The following TACR3 variants were observed in gnomAD, a reference collection of about 807,000 sequenced individuals.
The protein encoded by TACR3 is tachykinin receptor 3.
Under a neutral mutation model 35.0 loss-of-function variants are expected in TACR3, and 34 were observed. That is an observed-to-expected ratio of 0.97 (90% CI 0.74 to 1.30). The LOEUF is 1.30. TACR3 is among the 50% of genes most tolerant of loss of function. The probability of loss-of-function intolerance (pLI) is 0.00; values close to 1 mark genes in which losing one functional copy is unlikely to be tolerated. For missense variants in TACR3, 558 were observed against 591.7 expected (o/e 0.94, Z 0.59); for synonymous variants, 233 against 221.1 (o/e 1.05, Z -0.48).
chr4:103,708,279 A>G (rs1429262461), intron 1 of TACR3, among the ~76,000 whole-genome samples: 1 of 152,110 alleles, frequency 6.6e-6, no homozygotes, highest in African/African-American at 2.4e-5. Context: ...CACCTCAAAC[A>G]GCCAGGTACC....
intron 1 of TACR3, among the ~76,000 whole-genome samples, chr4:103,679,598 G>C (rs952231576): frequency 3.9e-5 from 6 of 151,964 alleles, no homozygotes; most frequent in African/African-American, 1.4e-4. Context: ...TGCTGACTTT[G>C]AGGAAGCTGG....
At chr4:103,697,494 G>A (rs1288278391) in intron 1 of TACR3, among the ~76,000 whole-genome samples, 1 of 151,582 alleles carries the variant, frequency 6.6e-6, no homozygotes, top group Non-Finnish European at 1.5e-5. Flanking sequence ...GCGCCATCTC[G>A]GTTCACTGCA....
intron 3 of TACR3, among the ~76,000 whole-genome samples, chr4:103,593,700 C>T (rs1324522982): frequency 1.3e-5 from 2 of 152,114 alleles, no homozygotes; most frequent in Non-Finnish European, 2.9e-5. Context: ...ATTCCCAGGG[C>T]TTAAGTACCT....
At chr4:103,619,974 GA>G (rs1414198378) in intron 3 of TACR3, among the ~76,000 whole-genome samples, 1 of 151,928 alleles carries the variant, frequency 6.6e-6, no homozygotes, top group Non-Finnish European at 1.5e-5. Flanking sequence ...ACAACCTACA[GA>G]ATGGAGGATA....
At chr4:103,703,032 C>A (rs1333572782) in intron 1 of TACR3, among the ~76,000 whole-genome samples, 1 of 151,580 alleles carries the variant, frequency 6.6e-6, no homozygotes, top group Non-Finnish European at 1.5e-5. Context: ...GCACATGTAC[C>A]CTAAAAGTTA....
intron 1 of TACR3, among the ~76,000 whole-genome samples, chr4:103,696,099 C>A (rs1183070760): frequency 6.6e-6 from 1 of 151,942 alleles, no homozygotes; most frequent in Non-Finnish European, 1.5e-5. Flanking sequence ...TATCAACGAG[C>A]TAAATAGTGT....
chr4:103,660,771 A>T (rs1380022423), intron 1 of TACR3, among the ~76,000 whole-genome samples: 2 of 152,200 alleles, frequency 1.3e-5, no homozygotes, highest in East Asian at 3.9e-4. Flanking sequence ...TGTGAACTCT[A>T]CAAAGAAAAA....
chr4:103,616,750 C>A (rs1343810033), intron 3 of TACR3, among the ~76,000 whole-genome samples: 2 of 152,040 alleles, frequency 1.3e-5, no homozygotes. Flanking sequence ...AGTTTGAGAC[C>A]AGCCTGAGCA....
chr4:103,594,587 T>A (rs1723964734), intron 3 of TACR3, among the ~76,000 whole-genome samples: 1 of 152,336 alleles, frequency 6.6e-6, no homozygotes, highest in Non-Finnish European at 1.5e-5. Context: ...TATTTGAATC[T>A]TTTATACAGA....
intron 1 of TACR3, among the ~76,000 whole-genome samples, chr4:103,665,474 A>AGATT (rs1386892729): frequency 6.6e-6 from 1 of 152,142 alleles, no homozygotes; most frequent in African/African-American, 2.4e-5. Flanking sequence ...CATTCAATTT[A>AGATT]GATTTAGAAT....
In TACR3 at chr4:103,588,348, T is replaced by C. The variant is rs1161151811; in HGVS notation, c.*1334A>G. On this transcript the variant is annotated 3_prime_UTR_variant, in exon 5 of 5. Coordinates refer to ENST00000304883, the MANE Select transcript of TACR3 (RefSeq NM_001059.3). ...CTGCTTTCTTGAGCAGGATTAACAG[T>C]ATCCCTAATTCAAGGAAAGATGATC... 6.6e-6 allele frequency: 1 copy of C among 152,126 alleles called. No homozygotes were observed. The highest frequency in any genetic ancestry group is 1.5e-5 in the Non-Finnish European group (1 of 67,990). 9.4% of individuals were successfully genotyped at this position (152,126 alleles called of 1,614,324 possible).
chr4:103,688,792 C>T (rs1397293755), intron 1 of TACR3, among the ~76,000 whole-genome samples: 1 of 152,122 alleles, frequency 6.6e-6, no homozygotes, highest in Non-Finnish European at 1.5e-5. Context: ...CACTTTTACA[C>T]TGTTGGTGGA....
At chr4:103,614,438 C>A (rs1046323264) in intron 3 of TACR3, among the ~76,000 whole-genome samples, 1 of 152,014 alleles carries the variant, frequency 6.6e-6, no homozygotes, top group Non-Finnish European at 1.5e-5. Flanking sequence ...GAGGCAAAGG[C>A]TTTAAATGAA....
At chr4:103,659,029 C>T (rs1725785818) in intron 1 of TACR3, among the ~76,000 whole-genome samples, 1 of 152,150 alleles carries the variant, frequency 6.6e-6, no homozygotes, top group African/African-American at 2.4e-5. Flanking sequence ...AGATTCTTCG[C>T]ACCTACAGTT....
At chr4:103,700,894 T>C (rs1013525836) in intron 1 of TACR3, among the ~76,000 whole-genome samples, 1 of 152,166 alleles carries the variant, frequency 6.6e-6, no homozygotes, top group African/African-American at 2.4e-5. Context: ...TGATGGGACG[T>C]ATCTCAAAAT....
At chr4:103,606,365 G>A (rs1724363116) in intron 3 of TACR3, among the ~76,000 whole-genome samples, 1 of 152,198 alleles carries the variant, frequency 6.6e-6, no homozygotes, top group Admixed American at 6.5e-5. Flanking sequence ...TGTGAAGAAA[G>A]TCAGTGGTAG....
chr4:103,710,103 C>G (rs1326507375), intron 1 of TACR3, among the ~76,000 whole-genome samples: 1 of 152,140 alleles, frequency 6.6e-6, no homozygotes, highest in Non-Finnish European at 1.5e-5. Context: ...ATCAACAAGA[C>G]AGAAAGTTAA....
At chr4:103,628,965 G>A (rs913177739) in intron 3 of TACR3, among the ~76,000 whole-genome samples, 1 of 152,084 alleles carries the variant, frequency 6.6e-6, no homozygotes, top group Non-Finnish European at 1.5e-5. Context: ...TTCATCCCTG[G>A]GATGCAAGGC....
chr4:103,637,949 C>T (rs1725235676), intron 3 of TACR3, among the ~76,000 whole-genome samples: 1 of 151,978 alleles, frequency 6.6e-6, no homozygotes, highest in Non-Finnish European at 1.5e-5. Context: ...GGGATACAAA[C>T]AAATGGAAGA....
Sources: gnomAD v4.1 joint callset for allele counts (sites outside exome capture counted in the v4.1 genomes callset) on GRCh38, gnomAD v4.1.1 for gene constraint, MANE v1.5 for transcripts, NCBI Gene and HGNC (gene_info 2026-07-23, HGNC 2026-07-21) for gene names.